Variants in FOLR2 observed in about 807,000 individuals in gnomAD.
The protein encoded by FOLR2 is folate receptor beta.
Under a neutral mutation model 20.4 loss-of-function variants are expected in FOLR2, and 14 were observed. That is an observed-to-expected ratio of 0.68 (90% CI 0.45 to 1.07). FOLR2 has a LOEUF of 1.07. Among genes scored for constraint, FOLR2 ranks in the 50% least tolerant of loss-of-function variants. The pLI is 0.00. For synonymous variants in FOLR2, 114 were observed against 114.3 expected (o/e 1.00, Z 0.02); for missense variants, 269 against 322.6 (o/e 0.83, Z 1.27).
intron 2 of FOLR2, among the ~76,000 whole-genome samples, chr11:72,219,271 G>C (rs1052565139): frequency 6.6e-6 from 1 of 152,182 alleles, no homozygotes; most frequent in African/African-American, 2.4e-5. Flanking sequence ...TGAGGCACAG[G>C]GGCTGGACAT....
chr11:72,217,007 T>C lies in FOLR2; in HGVS notation c.-25+82T>C, dbSNP rs527641386. Reference sequence around the variant, plus strand: ...TGTGCAGAGGGGAGGAACACACCTTTCTTTCTGTATTGTATTGTATTGTAT... The same window carrying C: ...TGTGCAGAGGGGAGGAACACACCTTCCTTTCTGTATTGTATTGTATTGTAT... On this transcript the variant is annotated intron_variant, in intron 1 of 4. Transcript: ENST00000298223. 2.8e-5 allele frequency: 39 copies of C among 1,377,454 alleles called. No homozygotes were observed. In the African/African-American group the frequency reaches 4.9e-4, roughly 17 times the overall value. The allele number at this position is 1,377,454 out of a possible 1,614,324, so 85.3% of individuals were successfully genotyped here.
chr11:72,221,037 C>A lies in FOLR2; in HGVS notation c.318C>A (p.Asn106Lys), dbSNP rs765292321. ...QDTCLYECSP[N>K]LGPWIQQVNQ... Reference sequence around the variant, plus strand: ...CCTGTCTCTATGAGTGCTCACCCAACCTGGGGCCCTGGATCCAGCAGGTAG... The same window carrying A: ...CCTGTCTCTATGAGTGCTCACCCAAACTGGGGCCCTGGATCCAGCAGGTAG... Residue 106 changes from asparagine (N) to lysine (K), a missense_variant, in exon 3 of 5, where the codon AAC becomes AAA. Coordinates refer to ENST00000298223, the MANE Select transcript of FOLR2 (RefSeq NM_000803.5). 6 of 1,613,500 alleles carry A rather than the reference C, an allele frequency of 3.7e-6. No homozygotes were observed. The highest frequency in any genetic ancestry group is 5.1e-6 in the Non-Finnish European group (6 of 1,179,812).
intron 1 of FOLR2, 65 bp from the exon 2 acceptor site, chr11:72,218,496 G>A: frequency 7.0e-7 from 1 of 1,438,478 alleles, no homozygotes; most frequent in Non-Finnish European, 9.6e-7. Flanking sequence ...GGAGACTGAG[G>A]CAGGAGGTGA....
rs1948492331 is a variant in FOLR2, at chr11:72,221,469, G to C, written c.476-1G>C. 3 of 1,613,492 alleles carry C rather than the reference G, an allele frequency of 1.9e-6. No homozygotes were observed. Among genetic ancestry groups the C allele is most frequent in the African/African-American group, 2.7e-5 (2 of 75,028 alleles). The stretch of plus-strand genomic sequence containing the variant: ...TGTGTCCACCATGCCTCTCCCTGCA[G>C]GAGTTAACAAGTGCCCAGCTGGGGC... On this transcript the variant is annotated splice_acceptor_variant, in intron 4 of 4. Coordinates refer to ENST00000298223, the MANE Select transcript of FOLR2 (RefSeq NM_000803.5). LOFTEE classifies it high-confidence loss of function.
At position 72,221,311 on chromosome 11, in the gene FOLR2, G is replaced by A. The variant is rs1948488621; in HGVS notation, c.475G>A (p.Gly159Arg). ...GCACAGAGGATGGGACTGGACCTCA[G>A]GTGAGGGTGATTGAGTTGGGGTTAG... is the stretch of plus-strand genomic sequence containing the variant. Reference protein sequence around the residue: ...NWHRGWDWTSGVNKCPAGALC... With the variant: ...NWHRGWDWTSRVNKCPAGALC... The change falls in exon 4 of 5, where the codon GGA (glycine) becomes AGA (arginine). Residue 159 changes from glycine to arginine, a missense_variant and splice_region_variant. Transcript: ENST00000298223. 6.2e-7 allele frequency: 1 copy of A among 1,613,452 alleles called. No individual in the cohort carries two copies. Among genetic ancestry groups the A allele is most frequent in the Non-Finnish European group, 8.5e-7 (1 of 1,179,522 alleles).
chr11:72,221,224 A>G lies in FOLR2; in HGVS notation c.388A>G (p.Lys130Glu), dbSNP rs1477154242. The change falls in exon 4 of 5, where the codon AAA becomes GAA. Residue 130 changes from lysine to glutamate, a missense_variant. Coordinates refer to ENST00000298223, the MANE Select transcript of FOLR2 (RefSeq NM_000803.5). Reference protein sequence around the residue: ...KERFLDVPLCKEDCQRWWEDC... With the variant: ...KERFLDVPLCEEDCQRWWEDC... ...ACGCTTCCTGGATGTGCCCTTATGC[A>G]AAGAGGACTGTCAGCGCTGGTGGGA... 6.2e-7 allele frequency: 1 copy of G among 1,613,714 alleles called. No homozygotes were observed. The highest frequency in any genetic ancestry group is 1.7e-5 in the Admixed American group (1 of 59,956).
At chr11:72,220,114 G>T (rs1460283418) in intron 2 of FOLR2, among the ~76,000 whole-genome samples, 3 of 152,088 alleles carry the variant, frequency 2.0e-5, no homozygotes, top group Non-Finnish European at 2.9e-5. Flanking sequence ...AAGTGCTGGG[G>T]TTACAGCTAC....
intron 1 of FOLR2, among the ~76,000 whole-genome samples, chr11:72,218,332 A>G (rs1948425819): frequency 6.6e-6 from 1 of 152,336 alleles, no homozygotes; most frequent in Middle Eastern, 3.4e-3. Context: ...AGACTCCCCC[A>G]GGGCTCACTC....
At position 72,221,518 on chromosome 11, in the gene FOLR2, A is replaced by G. The variant is rs1383759785; in HGVS notation, c.524A>G (p.Tyr175Cys). Residue 175 changes from tyrosine to cysteine, a missense_variant, in exon 5 of 5, where the codon TAC becomes TGC. Transcript: ENST00000298223. ...GCTCTCTGCCGCACCTTTGAGTCCTACTTCCCCACTCCAGCTGCCCTTTGT... is the reference window on the plus strand; with the variant it reads ...GCTCTCTGCCGCACCTTTGAGTCCTGCTTCCCCACTCCAGCTGCCCTTTGT... ...AGALCRTFESYFPTPAALCEG... is the reference protein window; with the variant it reads ...AGALCRTFESCFPTPAALCEG... The G allele has an allele frequency of 1.2e-6, 2 of 1,613,924 alleles. No homozygotes were observed. Among genetic ancestry groups the G allele is most frequent in the Non-Finnish European group, 1.7e-6 (2 of 1,179,892 alleles).
Position 72,221,067 on chromosome 11 carries a change from T to TCGGGGGGGCCCCCCC in FOLR2, c.339+10_339+11insGGGGGGGCCCCCCCC. 4.5e-6 allele frequency: 7 copies of TCGGGGGGGCCCCCCC among 1,570,048 alleles called. No homozygotes were observed. Among genetic ancestry groups the TCGGGGGGGCCCCCCC allele is most frequent in the African/African-American group, 1.4e-5 (1 of 71,416 alleles). ...GGCCCTGGATCCAGCAGGTAGGGTG[T>TCGGGGGGGCCCCCCC]CTCCCCCCCACCCACCCCAGCAGAC... On this transcript the variant is annotated intron_variant, in intron 3 of 4. Transcript: ENST00000298223.
chr11:72,217,107 C>A (rs1229415318), intron 1 of FOLR2, among the ~76,000 whole-genome samples, 182 bp downstream of exon 1: 1 of 152,218 alleles, frequency 6.6e-6, no homozygotes, highest in Non-Finnish European at 1.5e-5. Context: ...TCACTGCAAC[C>A]TCTGCCTCCT....
chr11:72,221,251 G>A lies in FOLR2; in HGVS notation c.415G>A (p.Asp139Asn), dbSNP rs750076536. The A allele has an allele frequency of 6.2e-7, 1 of 1,613,836 alleles. No individual in the cohort carries two copies. The change falls in exon 4 of 5, where the codon GAT becomes AAT. Residue 139 changes from aspartate to asparagine, a missense_variant. Physicochemically the swap from Asp to Asn is conservative, Grantham distance 23. Transcript: ENST00000298223. ...CKEDCQRWWE[D>N]CHTSHTCKSN... ...AGAGGACTGTCAGCGCTGGTGGGAG[G>A]ATTGTCACACCTCCCACACGTGCAA...
In FOLR2 at chr11:72,216,832, TG is replaced by T; in HGVS notation, c.-114del. On this transcript the variant is annotated 5_prime_UTR_variant, in exon 1 of 5. Coordinates refer to ENST00000298223, the MANE Select transcript of FOLR2 (RefSeq NM_000803.5). The stretch of plus-strand genomic sequence containing the variant: ...TACCCTGTACCGAAGACAGAGGCTG[TG>T]GGGACAGCCTAGGGGCCTGGATCTA... The T allele has an allele frequency of 6.5e-7, 1 of 1,541,740 alleles. No homozygotes were observed. Among genetic ancestry groups the T allele is most frequent in the Non-Finnish European group, 8.9e-7 (1 of 1,128,146 alleles).
In FOLR2 at chr11:72,221,589, G is replaced by T. The variant is rs1948495849; in HGVS notation, c.595G>T (p.Gly199Trp). ...ATACAAGGTCAGCAACTACAGCCGA[G>T]GGAGCGGCCGCTGCATCCAGATGTG... Reference protein sequence around the residue: ...HSYKVSNYSRGSGRCIQMWFD... With the variant: ...HSYKVSNYSRWSGRCIQMWFD... The change falls in exon 5 of 5, where the codon GGG becomes TGG. Residue 199 changes from glycine to tryptophan, a missense_variant. Coordinates refer to ENST00000298223, the MANE Select transcript of FOLR2 (RefSeq NM_000803.5). 1 of 1,614,084 alleles carries T rather than the reference G, an allele frequency of 6.2e-7. No homozygotes were observed. Among genetic ancestry groups the T allele is most frequent in the Non-Finnish European group, 8.5e-7 (1 of 1,180,052 alleles).
At position 72,221,067 on chromosome 11, in the gene FOLR2, T is replaced by TCGGGGGGCGG; in HGVS notation, c.339+10_339+11insGGGGGGCGGC. On this transcript the variant is annotated intron_variant, in intron 3 of 4. Transcript: ENST00000298223. ...GGCCCTGGATCCAGCAGGTAGGGTGTCTCCCCCCCACCCACCCCAGCAGAC... is the reference window on the plus strand; with the variant it reads ...GGCCCTGGATCCAGCAGGTAGGGTGTCGGGGGGCGGCTCCCCCCCACCCACCCCAGCAGAC... 1 of 1,570,120 alleles carries TCGGGGGGCGG rather than the reference T, an allele frequency of 6.4e-7. No homozygotes were observed. Among genetic ancestry groups the TCGGGGGGCGG allele is most frequent in the Non-Finnish European group, 8.7e-7 (1 of 1,154,916 alleles).
chr11:72,216,815 A>G lies in FOLR2; in HGVS notation c.-135A>G. ...TACCAGAGCGCGTTGTCTACCCTGT[A>G]CCGAAGACAGAGGCTGTGGGGACAG... On this transcript the variant is annotated 5_prime_UTR_variant, in exon 1 of 5. Coordinates refer to ENST00000298223, the MANE Select transcript of FOLR2 (RefSeq NM_000803.5). 1 of 1,403,558 alleles carries G rather than the reference A, an allele frequency of 7.1e-7. No homozygotes were observed. The highest frequency in any genetic ancestry group is 1.0e-6 in the Non-Finnish European group (1 of 1,003,994). 86.9% of individuals were successfully genotyped at this position (1,403,558 alleles called of 1,614,324 possible).
rs1289483327 is a variant in FOLR2, at chr11:72,221,577, A to G, written c.583A>G (p.Asn195Asp). Residue 195 changes from asparagine (N) to aspartate (D), a missense_variant, in exon 5 of 5, where the codon AAC becomes GAC. Transcript: ENST00000298223. ...CTGGAGTCACTCATACAAGGTCAGC[A>G]ACTACAGCCGAGGGAGCGGCCGCTG... Reference protein sequence around the residue: ...GLWSHSYKVSNYSRGSGRCIQ... With the variant: ...GLWSHSYKVSDYSRGSGRCIQ... 1 of 1,614,166 alleles carries G rather than the reference A, an allele frequency of 6.2e-7. No individual in the cohort carries two copies. The highest frequency in any genetic ancestry group is 8.5e-7 in the Non-Finnish European group (1 of 1,180,018).
At chr11:72,221,099 C>T in intron 3 of FOLR2, 41 bp downstream of exon 3, 1 of 1,556,900 alleles carries the variant, frequency 6.4e-7, no homozygotes, top group Non-Finnish European at 8.7e-7. Flanking sequence ...AGACTGCCAT[C>T]CCCCTCAGTC....
intron 2 of FOLR2, among the ~76,000 whole-genome samples, 186 bp downstream of exon 2, chr11:72,218,920 G>A (rs1216071659): frequency 6.6e-6 from 1 of 152,218 alleles, no homozygotes; most frequent in African/African-American, 2.4e-5. Context: ...CCCGGAGGTG[G>A]ATACCATGTT....
Sources: allele counts gnomAD v4.1 joint callset (sites outside exome capture counted in the v4.1 genomes callset), GRCh38; gene constraint gnomAD v4.1.1; transcripts MANE v1.5; gene names NCBI Gene and HGNC (gene_info 2026-07-23, HGNC 2026-07-21).